Variants in EPB41 observed in about 807,000 individuals in gnomAD.
EPB41 encodes the protein protein 4.1.
In EPB41, 65 loss-of-function variants were observed where a neutral mutation model predicts 108.0. The ratio of observed to expected loss-of-function variants is 0.60; its 90% CI spans 0.49 to 0.74. EPB41 has a LOEUF of 0.74. Ranked by LOEUF, EPB41 falls within the 30% of genes least tolerant of loss-of-function variation. The pLI is 0.00. For missense variants in EPB41, 875 were observed against 1,037.0 expected (o/e 0.84, Z 2.15); for synonymous variants, 336 against 358.9 (o/e 0.94, Z 0.72).
intron 1 of EPB41, among the ~76,000 whole-genome samples, chr1:28,986,178 G>A (rs981397221): frequency 4.6e-5 from 7 of 151,954 alleles, no homozygotes; most frequent in Non-Finnish European, 7.4e-5. Context: ...TTTTATGGCT[G>A]CATATTTTTT....
rs1373483499 is a variant in EPB41, at chr1:28,987,783, A to G, written c.346A>G (p.Ile116Val). ...KEKGEGGQKEIEFGTSLDEEI... is the reference protein window; with the variant it reads ...KEKGEGGQKEVEFGTSLDEEI... ...AAAAGGTGAAGGAGGTCAGAAAGAGATAGAATTTGGAACCAGTCTTGATGA... is the reference window on the plus strand; with the variant it reads ...AAAAGGTGAAGGAGGTCAGAAAGAGGTAGAATTTGGAACCAGTCTTGATGA... The change falls in exon 2 of 21, where the codon ATA (isoleucine) becomes GTA (valine). Residue 116 changes from isoleucine to valine, a missense_variant. Coordinates refer to ENST00000343067, the MANE Select transcript of EPB41 (RefSeq NM_001376013.1). 6.2e-7 allele frequency: 1 copy of G among 1,614,168 alleles called. No individual in the cohort carries two copies. Among genetic ancestry groups the G allele is most frequent in the South Asian group, 1.1e-5 (1 of 91,088 alleles).
At chr1:29,021,366 C>G (rs1041144230) in intron 7 of EPB41, among the ~76,000 whole-genome samples, 1 of 152,160 alleles carries the variant, frequency 6.6e-6, no homozygotes, top group African/African-American at 2.4e-5. Context: ...GCACTTGCAG[C>G]TGGAAGTGCA....
intron 1 of EPB41, among the ~76,000 whole-genome samples, chr1:28,924,964 CTT>C (rs879448208): frequency 9.4e-5 from 12 of 128,286 alleles, no homozygotes; most frequent in African/African-American, 1.2e-4. Context: ...GCCTGGCTAA[CTT>C]TTTTTTTTTT....
chr1:29,071,257 G>A (rs1168372608), intron 16 of EPB41: 2 of 152,154 alleles, frequency 1.3e-5, no homozygotes, highest in African/African-American at 4.8e-5. Flanking sequence ...CTGGTGTATA[G>A]AAGAGATCTT....
intron 1 of EPB41, among the ~76,000 whole-genome samples, chr1:28,923,933 T>C (rs568545028): frequency 6.6e-6 from 1 of 152,286 alleles, no homozygotes; most frequent in South Asian, 2.1e-4. Flanking sequence ...TTTCCTCCCC[T>C]TGAGTGGGGG....
intron 2 of EPB41, among the ~76,000 whole-genome samples, chr1:28,991,973 T>C (rs2096032586): frequency 6.6e-6 from 1 of 152,212 alleles, no homozygotes; most frequent in Non-Finnish European, 1.5e-5. Flanking sequence ...TATAAATGTT[T>C]GGTATTATTA....
rs763919964 is a variant in EPB41, at chr1:28,997,248, G to A, written c.715G>A (p.Val239Ile). ...TAAGGGACAAGATTTGCTTAAACGA[G>A]TATGTGAGCATCTCAATCTTTTGGA... Reference protein sequence around the residue: ...HAKGQDLLKRVCEHLNLLEED... With the variant: ...HAKGQDLLKRICEHLNLLEED... The change falls in exon 4 of 21, where the codon GTA (valine) becomes ATA (isoleucine). Residue 239 changes from valine to isoleucine, a missense_variant. Around this residue, in one of 3 missense-constraint regions of EPB41, gnomAD observed 353 missense variants for 393.2 expected, o/e 0.90. Coordinates refer to ENST00000343067, the MANE Select transcript of EPB41 (RefSeq NM_001376013.1). 6.2e-7 allele frequency: 1 copy of A among 1,614,028 alleles called. No individual in the cohort carries two copies. Among genetic ancestry groups the A allele is most frequent in the African/African-American group, 1.3e-5 (1 of 74,930 alleles).
chr1:28,909,501 A>T (rs1430905618), intron 1 of EPB41, among the ~76,000 whole-genome samples: 3 of 151,748 alleles, frequency 2.0e-5, no homozygotes, highest in African/African-American at 4.8e-5. Flanking sequence ...AATAAATAAA[A>T]AAATAAAAAT....
intron 9 of EPB41, among the ~76,000 whole-genome samples, chr1:29,034,143 A>G (rs1638497705): frequency 2.0e-5 from 3 of 152,220 alleles, no homozygotes; most frequent in Admixed American, 2.0e-4. Context: ...ATTTTGTACC[A>G]TAATTATTTT....
Position 28,887,177 on chromosome 1 carries a change from G to C in EPB41, c.-41G>C. The C allele has an allele frequency of 8.3e-7, 1 of 1,206,664 alleles. No individual in the cohort carries two copies. The highest frequency in any genetic ancestry group is 1.3e-5 in the South Asian group (1 of 79,188). 74.7% of individuals were successfully genotyped at this position (1,206,664 alleles called of 1,614,324 possible). On this transcript the variant is annotated 5_prime_UTR_variant, in exon 1 of 17. Coordinates refer to the EPB41 transcript ENST00000347529. This position sits in a 1 kb window ranked among gnomAD's most constrained non-coding sequence, Gnocchi z 4.9. The stretch of plus-strand genomic sequence containing the variant: ...GGCGAGAGCGGCGCGGAGCCAGAAC[G>C]CGGTCGGCCCGGTCCCCGCCGCACC...
chr1:29,021,129 C>T (rs2096639062), intron 7 of EPB41, among the ~76,000 whole-genome samples: 1 of 152,144 alleles, frequency 6.6e-6, no homozygotes, highest in Admixed American at 6.5e-5. Flanking sequence ...TAAAACATCA[C>T]GTTTAATCTT....
chr1:29,068,556 T>TAA (rs1165678180), intron 16 of EPB41, among the ~76,000 whole-genome samples: 1 of 152,252 alleles, frequency 6.6e-6, no homozygotes, highest in African/African-American at 2.4e-5. Flanking sequence ...GTGGAATAAA[T>TAA]AAGCACTGTA....
chr1:29,092,097 T>C (rs1661439306), intron 16 of EPB41, among the ~76,000 whole-genome samples: 1 of 147,070 alleles, frequency 6.8e-6, no homozygotes, highest in African/African-American at 2.5e-5. Context: ...TACCTTCTTT[T>C]TTTTTTTTTT....
intron 1 of EPB41, among the ~76,000 whole-genome samples, chr1:28,930,287 G>T (rs1431968471): frequency 6.8e-6 from 1 of 146,770 alleles, no homozygotes; most frequent in African/African-American, 2.5e-5. Context: ...CTTCTGAGTA[G>T]TTGGAATTAC....
chr1:28,916,459 A>G (rs1324822285), intron 1 of EPB41, among the ~76,000 whole-genome samples: 1 of 152,160 alleles, frequency 6.6e-6, no homozygotes, highest in Non-Finnish European at 1.5e-5. Context: ...AGCATGGTGA[A>G]ACCCCATCTG....
At chr1:29,039,139 A>G in intron 10 of EPB41, 115 bp from the exon 11 acceptor site, 1 of 1,196,038 alleles carries the variant, frequency 8.4e-7, no homozygotes, top group Non-Finnish European at 1.2e-6. Flanking sequence ...TAGTAACTAT[A>G]TGGAAACCCT....
At chr1:29,064,935 T>C (rs776474166) in intron 15 of EPB41, 47 bp from the exon 16 acceptor site, 2 of 1,611,922 alleles carry the variant, frequency 1.2e-6, no homozygotes, top group South Asian at 2.2e-5. Flanking sequence ...ATTATGTTCT[T>C]TGTCCTGATT....
chr1:29,079,827 C>G (rs532399526), intron 16 of EPB41, among the ~76,000 whole-genome samples: 1 of 151,942 alleles, frequency 6.6e-6, no homozygotes, highest in Non-Finnish European at 1.5e-5. Context: ...AAAACTCCAT[C>G]TCTACTAAAA....
At chr1:28,934,300 C>T (rs2093887822) in intron 1 of EPB41, among the ~76,000 whole-genome samples, 1 of 152,192 alleles carries the variant, frequency 6.6e-6, no homozygotes, top group Non-Finnish European at 1.5e-5. Flanking sequence ...CTTATCACTA[C>T]TGATGTTGAC....
Sources: gnomAD v4.1 joint callset for allele counts (sites outside exome capture counted in the v4.1 genomes callset) on GRCh38, gnomAD v4.1.1 for gene constraint, gnomAD v4.1.1 regional missense constraint, Gnocchi (gnomAD v3.1) non-coding constraint, MANE v1.5 for transcripts, NCBI Gene and HGNC (gene_info 2026-07-23, HGNC 2026-07-21) for gene names.